Variants in GABRG3 observed in about 807,000 individuals in gnomAD.
GABRG3 encodes the protein gamma-aminobutyric acid type A receptor subunit gamma3, also known as gamma-aminobutyric acid receptor subunit gamma-3.
GABRG3 carries 25 observed loss-of-function variants against 48.8 expected under a neutral mutation model. The observed-to-expected ratio is 0.51, with a 90% confidence interval of 0.37 to 0.72. The LOEUF (loss-of-function observed/expected upper bound fraction) is 0.72. Among genes scored for constraint, GABRG3 ranks in the 30% least tolerant of loss-of-function variants. The pLI, the probability that GABRG3 is intolerant of heterozygous loss-of-function variation, is 0.00. For missense variants in GABRG3, 394 were observed against 577.9 expected (o/e 0.68, Z 3.26); for synonymous variants, 227 against 217.6 (o/e 1.04, Z -0.38).
chr15:27,001,086 C>G (rs1895438314), intron 2 of GABRG3, among the ~76,000 whole-genome samples: 1 of 152,228 alleles, frequency 6.6e-6, no homozygotes, highest in Admixed American at 6.5e-5. Context: ...GCTAGAAACT[C>G]TTTCAAGGCC....
chr15:27,235,892 T>C (rs1013497916), intron 3 of GABRG3, among the ~76,000 whole-genome samples: 1 of 151,938 alleles, frequency 6.6e-6, no homozygotes, highest in Non-Finnish European at 1.5e-5. Flanking sequence ...CACTGATGAG[T>C]CTCTAGTGAT....
intron 3 of GABRG3, among the ~76,000 whole-genome samples, chr15:27,042,174 C>T (rs1896287420): frequency 6.6e-6 from 1 of 152,324 alleles, no homozygotes; most frequent in East Asian, 1.9e-4. Context: ...GTCCCATCTG[C>T]CTCCCCTCTC....
At chr15:26,978,408 G>A (rs1042260867) in intron 2 of GABRG3, among the ~76,000 whole-genome samples, 2 of 151,804 alleles carry the variant, frequency 1.3e-5, no homozygotes, top group African/African-American at 4.8e-5. Context: ...TGAAGCCCTA[G>A]CTCTTGAAAA....
chr15:27,307,206 C>CATGTTTATATATAACCATGTTTATATTAT (rs1332226577), intron 3 of GABRG3, among the ~76,000 whole-genome samples: 2 of 134,514 alleles, frequency 1.5e-5, no homozygotes, highest in Non-Finnish European at 3.1e-5. Context: ...ATAATACAAA[C>CATGTTTATATATAACCATGTTTATATTAT]ATGTTTATAT....
At chr15:27,267,347 TCTG>T (rs565807343) in intron 3 of GABRG3, among the ~76,000 whole-genome samples, 463 of 152,210 alleles carry the variant, frequency 3.0e-3, no homozygotes, top group African/African-American at 0.011. Flanking sequence ...CCTCAGATGA[TCTG>T]CCTGCCTCAG....
chr15:27,233,773 C>T (rs1015558984), intron 3 of GABRG3, among the ~76,000 whole-genome samples: 1 of 152,206 alleles, frequency 6.6e-6, no homozygotes, highest in Non-Finnish European at 1.5e-5. Context: ...CCTGTACAAA[C>T]TACCAGGGAA....
rs1393040353 is a variant in GABRG3, at chr15:27,026,775, T to C, written c.224T>C (p.Val75Ala). 1.2e-6 allele frequency: 2 copies of C among 1,611,706 alleles called. No individual in the cohort carries two copies. Among genetic ancestry groups the C allele is most frequent in the African/African-American group, 2.7e-5 (2 of 74,858 alleles). ...ACAGTAAAACCGACCGTAATTGACG[T>C]TGACATTTATGTTAACAGCATTGGT... ...DIGIKPTVID[V>A]DIYVNSIGPV... The change falls in exon 3 of 10, where the codon GTT becomes GCT. Residue 75 changes from valine to alanine, a missense_variant. Transcript: ENST00000615808.
At chr15:27,192,264 G>A (rs1429392060) in intron 3 of GABRG3, among the ~76,000 whole-genome samples, 3 of 152,050 alleles carry the variant, frequency 2.0e-5, no homozygotes, top group Non-Finnish European at 4.4e-5. Context: ...GAATCTGAAC[G>A]TTGGCCTGCC....
At chr15:27,037,510 G>A (rs1896200230) in intron 3 of GABRG3, among the ~76,000 whole-genome samples, 1 of 152,114 alleles carries the variant, frequency 6.6e-6, no homozygotes, top group Admixed American at 6.5e-5. Context: ...CTGCTTCTGT[G>A]CCTCTTTGTT....
At chr15:27,177,502 C>T (rs1887784711) in intron 3 of GABRG3, among the ~76,000 whole-genome samples, 1 of 152,106 alleles carries the variant, frequency 6.6e-6, no homozygotes, top group Non-Finnish European at 1.5e-5. Context: ...GGTTTTAGCC[C>T]CCAGAGGGGG....
intron 2 of GABRG3, among the ~76,000 whole-genome samples, chr15:27,025,477 A>T (rs1169494326): frequency 1.3e-5 from 2 of 152,204 alleles, no homozygotes; most frequent in Admixed American, 6.5e-5. Flanking sequence ...TAAGCACCAT[A>T]TACATAGTGC....
At chr15:27,263,518 A>T (rs1204263513) in intron 3 of GABRG3, among the ~76,000 whole-genome samples, 4 of 152,096 alleles carry the variant, frequency 2.6e-5, no homozygotes, top group Non-Finnish European at 4.4e-5. Context: ...TTAGGAGCAG[A>T]TAGGAGCGTC....
chr15:27,061,571 A>G (rs1896646979), intron 3 of GABRG3, among the ~76,000 whole-genome samples: 1 of 151,388 alleles, frequency 6.6e-6, no homozygotes, highest in Admixed American at 6.6e-5. Flanking sequence ...CCATGTATTT[A>G]TGAGTGATGT....
chr15:27,204,892 G>A (rs1888804213), intron 3 of GABRG3, among the ~76,000 whole-genome samples: 1 of 151,990 alleles, frequency 6.6e-6, no homozygotes, highest in Non-Finnish European at 1.5e-5. Flanking sequence ...ATTGATTTTT[G>A]TATCCTGAAA....
At chr15:27,067,880 G>A (rs1896764082) in intron 3 of GABRG3, among the ~76,000 whole-genome samples, 1 of 152,180 alleles carries the variant, frequency 6.6e-6, no homozygotes, top group African/African-American at 2.4e-5. Flanking sequence ...GCCTGGATCT[G>A]CTAGGATCAG....
chr15:27,140,081 C>T (rs1436785284), intron 3 of GABRG3, among the ~76,000 whole-genome samples: 1 of 152,204 alleles, frequency 6.6e-6, no homozygotes, highest in East Asian at 1.9e-4. Context: ...ATCACTTTAT[C>T]TGGATATTTT....
At chr15:27,521,436 A>C (rs1444911648) in intron 7 of GABRG3, among the ~76,000 whole-genome samples, 1 of 152,126 alleles carries the variant, frequency 6.6e-6, no homozygotes, top group African/African-American at 2.4e-5. Context: ...TTAAAAAGAT[A>C]ATATAGTGCA....
intron 5 of GABRG3, among the ~76,000 whole-genome samples, chr15:27,398,040 G>A (rs866344724): frequency 1.3e-5 from 2 of 152,016 alleles, no homozygotes; most frequent in South Asian, 2.1e-4. Context: ...CCCTGACCTC[G>A]TGATCCTCCC....
intron 5 of GABRG3, among the ~76,000 whole-genome samples, chr15:27,378,709 AT>A (rs1168361999): frequency 3.3e-5 from 5 of 152,186 alleles, no homozygotes; most frequent in Non-Finnish European, 7.4e-5. Flanking sequence ...ACATAGTCTG[AT>A]TACTAATGTT....
Sources: allele counts gnomAD v4.1 joint callset (sites outside exome capture counted in the v4.1 genomes callset), GRCh38; gene constraint gnomAD v4.1.1; transcripts MANE v1.5; gene names NCBI Gene and HGNC (gene_info 2026-07-23, HGNC 2026-07-21).